The following MIPOL1 variants were observed in gnomAD, a reference collection of about 807,000 sequenced individuals.
The protein encoded by MIPOL1 is mirror-image polydactyly gene 1 protein.
In MIPOL1, 57 loss-of-function variants were observed where a neutral mutation model predicts 60.9. The ratio of observed to expected loss-of-function variants is 0.94; its 90% CI spans 0.76 to 1.17. MIPOL1 has a LOEUF of 1.17. MIPOL1 is among the 50% of genes most tolerant of loss of function. The pLI is 0.00. For synonymous variants in MIPOL1, 179 were observed against 168.8 expected (o/e 1.06, Z -0.47); for missense variants, 551 against 511.6 (o/e 1.08, Z -0.74).
At chr14:37,490,369 G>A (rs911212367) in intron 11 of MIPOL1, among the ~76,000 whole-genome samples, 10 of 152,190 alleles carry the variant, frequency 6.6e-5, no homozygotes, top group Non-Finnish European at 1.5e-5. Context: ...TCAAGCCAGT[G>A]GATCTTAACT....
intron 1 of MIPOL1, among the ~76,000 whole-genome samples, chr14:37,215,206 G>A (rs896020980): frequency 6.6e-6 from 1 of 152,112 alleles, no homozygotes; most frequent in Non-Finnish European, 1.5e-5. Flanking sequence ...CGTGACCAAT[G>A]TGACCTTACC....
At chr14:37,425,844 G>A (rs140764278) in intron 11 of MIPOL1, among the ~76,000 whole-genome samples, 1 of 152,146 alleles carries the variant, frequency 6.6e-6, no homozygotes, top group Non-Finnish European at 1.5e-5. Context: ...CTTTACATTG[G>A]AAATTCGGTG....
At chr14:37,487,169 A>G (rs2094960825) in intron 11 of MIPOL1, among the ~76,000 whole-genome samples, 1 of 152,102 alleles carries the variant, frequency 6.6e-6, no homozygotes, top group Non-Finnish European at 1.5e-5. Flanking sequence ...CCATCCTTGC[A>G]TCCCAGGGAT....
At chr14:37,279,859 C>T (rs1211330407) in intron 6 of MIPOL1, among the ~76,000 whole-genome samples, 1 of 152,018 alleles carries the variant, frequency 6.6e-6, no homozygotes, top group Non-Finnish European at 1.5e-5. Context: ...TATAAGTCAC[C>T]TTGATGTGTA....
intron 11 of MIPOL1, among the ~76,000 whole-genome samples, chr14:37,425,655 A>T (rs1313797250): frequency 6.6e-6 from 1 of 152,208 alleles, no homozygotes; most frequent in Non-Finnish European, 1.5e-5. Context: ...TTCTTAGCAC[A>T]GTGTTTGGTT....
Position 37,272,375 on chromosome 14 carries a change from A to G in MIPOL1, c.493+1850A>G, listed in dbSNP as rs572996798. On this transcript the variant is annotated intron_variant, in intron 6 of 12. Coordinates refer to ENST00000684589, the MANE Select transcript of MIPOL1 (RefSeq NM_001388067.1). ...TAAAGTATTTTTCCTATAACATTAG[A>G]AAGAATTATTGTTATTATGTCAAAA... Among the ~76,000 whole-genome samples, 4 of 151,808 alleles carry G rather than the reference A, an allele frequency of 2.6e-5. No individual in the cohort carries two copies. The South Asian group carries it at 8.3e-4, about 31-fold the overall frequency.
At chr14:37,356,868 C>G (rs1258437489) in intron 9 of MIPOL1, among the ~76,000 whole-genome samples, 1 of 152,164 alleles carries the variant, frequency 6.6e-6, no homozygotes, top group Non-Finnish European at 1.5e-5. Context: ...CACTGTCTTC[C>G]CCGTCGGCCA....
chr14:37,480,796 AC>A (rs1287445000), intron 11 of MIPOL1, among the ~76,000 whole-genome samples: 13 of 152,104 alleles, frequency 8.5e-5, no homozygotes, highest in Admixed American at 8.5e-4. Context: ...AGGATCATAA[AC>A]CCTGAAGACT....
chr14:37,498,587 A>G (rs2095168305), intron 11 of MIPOL1, among the ~76,000 whole-genome samples: 1 of 152,132 alleles, frequency 6.6e-6, no homozygotes, highest in Non-Finnish European at 1.5e-5. Context: ...TGAAGTAGGG[A>G]TAGTTAGATT....
chr14:37,369,434 A>T, intron 9 of MIPOL1, 83 bp from the exon 10 acceptor site: 2 of 887,742 alleles, frequency 2.3e-6, no homozygotes, highest in Non-Finnish European at 3.6e-6. Context: ...GAATACAATG[A>T]TATTATTTAC....
At chr14:37,504,762 G>A (rs2095258837) in intron 12 of MIPOL1, 1 of 152,144 alleles carries the variant, frequency 6.6e-6, no homozygotes, top group Non-Finnish European at 1.5e-5. Context: ...GATCAGAGCA[G>A]AACTGAAGAA....
chr14:37,422,707 T>G, intron 10 of MIPOL1, 148 bp from the exon 11 acceptor site: 1 of 559,120 alleles, frequency 1.8e-6, no homozygotes, highest in Non-Finnish European at 3.2e-6. Flanking sequence ...TTAGACTATT[T>G]TCTGGTAACT....
At chr14:37,291,305 T>C (rs546466055) in intron 7 of MIPOL1, among the ~76,000 whole-genome samples, 1 of 152,326 alleles carries the variant, frequency 6.6e-6, no homozygotes, top group East Asian at 1.9e-4. Context: ...TTTTTGTCCT[T>C]ACGTGTTATC....
At chr14:37,492,411 A>T (rs2095058924) in intron 11 of MIPOL1, among the ~76,000 whole-genome samples, 1 of 152,240 alleles carries the variant, frequency 6.6e-6, no homozygotes. Flanking sequence ...AAAAACCTGT[A>T]GGAACAGGCA....
chr14:37,279,020 G>A (rs2083889808), intron 6 of MIPOL1: 2 of 151,512 alleles, frequency 1.3e-5, no homozygotes, highest in Admixed American at 6.6e-5. Flanking sequence ...TGATAACCGT[G>A]TTTAAAAATG....
intron 12 of MIPOL1, among the ~76,000 whole-genome samples, chr14:37,522,891 T>C (rs1425108253): frequency 6.6e-6 from 1 of 152,120 alleles, no homozygotes; most frequent in Admixed American, 6.5e-5. Context: ...AATTAATAGA[T>C]ATGAATCCTA....
intron 10 of MIPOL1, among the ~76,000 whole-genome samples, chr14:37,385,316 A>ACTT (rs1338530130): frequency 1.3e-5 from 2 of 152,118 alleles, no homozygotes; most frequent in Non-Finnish European, 2.9e-5. Flanking sequence ...ACAGAACAAC[A>ACTT]CTTTAAGCTC....
chr14:37,223,249 T>A (rs1460210839), intron 1 of MIPOL1, among the ~76,000 whole-genome samples: 2 of 152,246 alleles, frequency 1.3e-5, no homozygotes, highest in Non-Finnish European at 2.9e-5. Flanking sequence ...GCCGGGCTGG[T>A]CTTGAACTCC....
At chr14:37,456,970 CATA>C (rs2094483226) in intron 11 of MIPOL1, among the ~76,000 whole-genome samples, 1 of 151,962 alleles carries the variant, frequency 6.6e-6, no homozygotes, top group Non-Finnish European at 1.5e-5. Flanking sequence ...TTAATATTTG[CATA>C]ATAATTGGAT....
Sources: gnomAD v4.1 joint callset for allele counts (sites outside exome capture counted in the v4.1 genomes callset) on GRCh38, gnomAD v4.1.1 for gene constraint, MANE v1.5 for transcripts, NCBI Gene and HGNC (gene_info 2026-07-23, HGNC 2026-07-21) for gene names.